SPATA13: variants seen among roughly 807,000 people sequenced by gnomAD.
The protein encoded by SPATA13 is spermatogenesis associated 13, also known as spermatogenesis-associated protein 13.
SPATA13 carries 50 observed loss-of-function variants against 104.0 expected under a neutral mutation model. That is an observed-to-expected ratio of 0.48 (90% CI 0.38 to 0.61). The LOEUF (loss-of-function observed/expected upper bound fraction) is 0.61, where lower values mean the gene tolerates loss of function less well. Ranked by LOEUF, SPATA13 falls within the 20% of genes least tolerant of loss-of-function variation. SPATA13 has a pLI of 0.00. For synonymous variants in SPATA13, 606 were observed against 667.5 expected, an observed-to-expected ratio of 0.91 and a Z score of 1.42; for missense variants, 1,524 against 1,690.6, an observed-to-expected ratio of 0.90 and a Z score of 1.73.
chr13:24,281,868 C>T (rs1429230398), intron 4 of SPATA13, among the ~76,000 whole-genome samples: 5 of 152,286 alleles, frequency 3.3e-5, no homozygotes, highest in African/African-American at 9.6e-5. Flanking sequence ...GCTTTCCCTC[C>T]GTCCTGCTTC....
intron 3 of SPATA13, chr13:24,251,445 T>G (rs750218761): frequency 2.0e-6 from 2 of 984,368 alleles, no homozygotes; most frequent in Non-Finnish European, 2.4e-6. Flanking sequence ...CAGAAGCTTC[T>G]TTTTCCTTAG....
chr13:24,286,984 A>G lies in SPATA13; in HGVS notation c.2667+34A>G. ...CCAGGCTGGGACCTCACTGAGGGTC[A>G]CAGTATGAGGCTGCATGAGGTGCCT... On this transcript the variant is annotated intron_variant, in intron 7 of 12. Coordinates refer to ENST00000382108, the MANE Select transcript of SPATA13 (RefSeq NM_001166271.3). This position sits in a 1 kb window ranked among gnomAD's most constrained non-coding sequence, Gnocchi z 4.9. The G allele has an allele frequency of 6.3e-7, 1 of 1,597,822 alleles. No individual in the cohort carries two copies. Among genetic ancestry groups the G allele is most frequent in the Middle Eastern group, 1.7e-4 (1 of 6,012 alleles).
At chr13:24,024,100 G>A (rs1877098018) in intron 3 of SPATA13, among the ~76,000 whole-genome samples, 1 of 152,136 alleles carries the variant, frequency 6.6e-6, no homozygotes, top group African/African-American at 2.4e-5. Context: ...CATGTGCTGC[G>A]GAGGTCAGTG....
chr13:24,299,954 A>C (rs970908377), intron 11 of SPATA13, among the ~76,000 whole-genome samples: 2 of 152,202 alleles, frequency 1.3e-5, no homozygotes, highest in African/African-American at 4.8e-5. Context: ...AGAATCCGCT[A>C]CCTGCTACTC....
At chr13:24,117,915 C>A (rs1880904645) in intron 3 of SPATA13, among the ~76,000 whole-genome samples, 1 of 152,126 alleles carries the variant, frequency 6.6e-6, no homozygotes, top group Non-Finnish European at 1.5e-5. Context: ...TTTATAAAAA[C>A]CACACATCAT....
intron 2 of SPATA13, among the ~76,000 whole-genome samples, chr13:24,007,516 G>A (rs1191314889): frequency 1.3e-5 from 2 of 152,190 alleles, no homozygotes; most frequent in African/African-American, 4.8e-5. Context: ...AAGTGTAGTG[G>A]TGCGAACTTG....
chr13:24,159,235 A>G (rs982616355), upstream of SPATA13, among the ~76,000 whole-genome samples: 2 of 152,184 alleles, frequency 1.3e-5, no homozygotes, highest in African/African-American at 4.8e-5. Flanking sequence ...CAATGATATT[A>G]GCCTCACATA....
rs1875932436 is a variant in SPATA13 at position 24,286,266 on chromosome 13, C to T, written c.2354C>T (p.Thr785Ile). ...VCAEALWDHVTMDDQELGFKA... is the reference protein window; with the variant it reads ...VCAEALWDHVIMDDQELGFKA... ...GCAGAAGCCCTGTGGGACCATGTGA[C>T]CATGGATGACCAGGAACTGGGCTTC... is the stretch of plus-strand genomic sequence containing the variant. The change falls in exon 6 of 13, where the codon ACC becomes ATC. Residue 785 changes from threonine to isoleucine, a missense_variant. By Grantham distance (89) the Thr-to-Ile change is moderately conservative. Around this residue, in one of 2 missense-constraint regions of SPATA13, gnomAD observed 1,089 missense variants for 1,135.9 expected, o/e 0.96. Transcript: ENST00000382108. The surrounding 1 kb of genome is among the most constrained non-coding windows in gnomAD (Gnocchi z 4.9). The T allele has an allele frequency of 1.2e-6, 2 of 1,614,030 alleles. No individual in the cohort carries two copies. The highest frequency in any genetic ancestry group is 8.5e-7 in the Non-Finnish European group (1 of 1,180,032).
In SPATA13 at chr13:24,205,483, A is replaced by C. The variant is rs1870652252; in HGVS notation, c.-111-17336A>C. ...CTCCATGCTATGGATAGGAGGAATC[A>C]ATATCATAAAAATGGCCATACTGCT... On this transcript the variant is annotated intron_variant, in intron 1 of 12. Coordinates refer to ENST00000382108, the MANE Select transcript of SPATA13 (RefSeq NM_001166271.3). This position sits in a 1 kb window ranked among gnomAD's most constrained non-coding sequence, Gnocchi z 4.1. 6.6e-6 allele frequency among the ~76,000 whole-genome samples: 1 copy of C among 152,218 alleles called. No individual in the cohort carries two copies. Among genetic ancestry groups the C allele is most frequent in the Non-Finnish European group, 1.5e-5 (1 of 68,036 alleles).
At chr13:24,283,823 A>G (rs1264988504) in intron 4 of SPATA13, among the ~76,000 whole-genome samples, 1 of 152,188 alleles carries the variant, frequency 6.6e-6, no homozygotes, top group Non-Finnish European at 1.5e-5. Context: ...TGTTATCTAT[A>G]TTTATGTTGT....
chr13:24,079,363 C>A (rs1464996515), intron 3 of SPATA13, among the ~76,000 whole-genome samples: 1 of 152,172 alleles, frequency 6.6e-6, no homozygotes, highest in Non-Finnish European at 1.5e-5. Flanking sequence ...GTGACATGAT[C>A]CACGCTACTC....
At chr13:24,189,002 T>C (rs1011913621) in intron 1 of SPATA13, among the ~76,000 whole-genome samples, 1 of 152,174 alleles carries the variant, frequency 6.6e-6, no homozygotes, top group Non-Finnish European at 1.5e-5. Flanking sequence ...ACCTACTGTT[T>C]AGAAAAAGGA....
intron 3 of SPATA13, among the ~76,000 whole-genome samples, chr13:24,045,538 T>C (rs1179373561): frequency 6.6e-6 from 1 of 152,176 alleles, no homozygotes; most frequent in Non-Finnish European, 1.5e-5. Context: ...TTACAAACAT[T>C]GTAGAGTAAA....
chr13:24,266,173 GTATGTAAATA>G (rs2138687228), intron 4 of SPATA13, among the ~76,000 whole-genome samples: 1 of 152,126 alleles, frequency 6.6e-6, no homozygotes, highest in African/African-American at 2.4e-5. Context: ...TTTCCCATAG[GTATGTAAATA>G]TATATGGGTT....
At chr13:24,139,137 G>T (rs966662364) in intron 3 of SPATA13, among the ~76,000 whole-genome samples, 1 of 152,070 alleles carries the variant, frequency 6.6e-6, no homozygotes, top group African/African-American at 2.4e-5. Flanking sequence ...AGGAATCCTT[G>T]CTGTTCCTGG....
At chr13:24,006,410 G>A (rs1022434981) in intron 2 of SPATA13, among the ~76,000 whole-genome samples, 2 of 152,166 alleles carry the variant, frequency 1.3e-5, no homozygotes, top group African/African-American at 4.8e-5. Flanking sequence ...GTATAAATGA[G>A]CAACGGTGTC....
intron 2 of SPATA13, among the ~76,000 whole-genome samples, chr13:24,016,710 T>G (rs1322797153): frequency 6.6e-6 from 1 of 152,212 alleles, no homozygotes; most frequent in Non-Finnish European, 1.5e-5. Context: ...TTCCAGAAGT[T>G]TCATTGTCCT....
Position 24,191,920 on chromosome 13 carries a change from A to T in SPATA13, c.-111-30899A>T, listed in dbSNP as rs990402697. Among the ~76,000 whole-genome samples the T allele has an allele frequency of 2.0e-5, 3 of 152,202 alleles. No homozygotes were observed. The East Asian group carries it at 5.8e-4, about 29-fold the overall frequency. Reference sequence around the variant, plus strand: ...AAAACCGGGTTCTTGTCACACAAGCAGGAAAATTTAGGCCTGCGTACACAT... The same window carrying T: ...AAAACCGGGTTCTTGTCACACAAGCTGGAAAATTTAGGCCTGCGTACACAT... On this transcript the variant is annotated intron_variant, in intron 1 of 12. Transcript: ENST00000382108.
intron 3 of SPATA13, among the ~76,000 whole-genome samples, chr13:24,062,130 G>A (rs1374117045): frequency 3.9e-5 from 6 of 152,244 alleles, no homozygotes; most frequent in Non-Finnish European, 7.3e-5. Flanking sequence ...TCAGTTGCCT[G>A]TGTGAATTCT....
Sources: gnomAD v4.1 joint callset for allele counts (sites outside exome capture counted in the v4.1 genomes callset) on GRCh38, gnomAD v4.1.1 for gene constraint, gnomAD v4.1.1 regional missense constraint, Gnocchi (gnomAD v3.1) non-coding constraint, MANE v1.5 for transcripts, NCBI Gene and HGNC (gene_info 2026-07-23, HGNC 2026-07-21) for gene names.